The following EFCAB6 variants were observed in gnomAD, a reference collection of about 807,000 sequenced individuals.
EFCAB6 encodes the protein EF-hand calcium-binding domain-containing protein 6.
Under a neutral mutation model 169.8 loss-of-function variants are expected in EFCAB6, and 156 were observed. The observed-to-expected ratio is 0.92, with a 90% CI of 0.81 to 1.05. The LOEUF (loss-of-function observed/expected upper bound fraction) is 1.05. Ranked by LOEUF, EFCAB6 falls within the 50% of genes least tolerant of loss-of-function variation. EFCAB6 has a pLI of 0.00. For synonymous variants in EFCAB6, 698 were observed against 676.4 expected (o/e 1.03, Z -0.50); for missense variants, 1,800 against 1,829.1 (o/e 0.98, Z 0.29).
chr22:43,575,192 GT>G (rs74495669), intron 26 of EFCAB6, among the ~76,000 whole-genome samples: 1 of 123,076 alleles, frequency 8.1e-6, no homozygotes, highest in Non-Finnish European at 1.8e-5. Context: ...TGTTGTTGTT[GT>G]TTGTTTGTTT....
At chr22:43,697,159 A>G (rs1187463204) in intron 10 of EFCAB6, among the ~76,000 whole-genome samples, 1 of 152,260 alleles carries the variant, frequency 6.6e-6, no homozygotes, top group Non-Finnish European at 1.5e-5. Context: ...GGCAAGAAGT[A>G]TTCCTGTGAA....
rs1346214332 is a variant in EFCAB6, at chr22:43,615,742, G to A, written c.2562+84C>T. The A allele has an allele frequency of 3.3e-6, 4 of 1,221,760 alleles. No homozygotes were observed. The African/African-American group carries it at 6.0e-5, about 18-fold the overall frequency. The allele number at this position is 1,221,760 out of a possible 1,614,324, so 75.7% of individuals were successfully genotyped here. A position where few individuals can be genotyped will look rare whatever the true frequency, so the allele number is the denominator to read the frequency against. ...AGTTGTTTTCCCATCTTAGCGTCTGGATCTGAACAGCTTCATCATCCCAGT... is the reference window on the plus strand; with the variant it reads ...AGTTGTTTTCCCATCTTAGCGTCTGAATCTGAACAGCTTCATCATCCCAGT... On this transcript the variant is annotated intron_variant, in intron 21 of 31. Transcript: ENST00000262726.
intron 26 of EFCAB6, among the ~76,000 whole-genome samples, chr22:43,560,030 T>C (rs1184121494): frequency 1.3e-5 from 2 of 152,074 alleles, no homozygotes; most frequent in African/African-American, 4.8e-5. Flanking sequence ...AAAGTAAAAT[T>C]TAAAAAATGC....
At chr22:43,705,225 A>G (rs184335804) in intron 10 of EFCAB6, among the ~76,000 whole-genome samples, 2 of 152,290 alleles carry the variant, frequency 1.3e-5, no homozygotes, top group Non-Finnish European at 1.5e-5. Context: ...CTAAATATAT[A>G]AAGCAAATAT....
At chr22:43,702,902 T>C (rs1261773406) in intron 10 of EFCAB6, among the ~76,000 whole-genome samples, 3 of 152,150 alleles carry the variant, frequency 2.0e-5, no homozygotes, top group South Asian at 2.1e-4. Flanking sequence ...TACCACCACA[T>C]TGAATTTCAG....
At chr22:43,805,774 C>T (rs567247898) in intron 2 of EFCAB6, among the ~76,000 whole-genome samples, 37 of 152,254 alleles carry the variant, frequency 2.4e-4, no homozygotes, top group African/African-American at 8.9e-4. Flanking sequence ...CTGATTTGAT[C>T]TTTACAAATT....
intron 10 of EFCAB6, among the ~76,000 whole-genome samples, chr22:43,698,549 C>T (rs946010354): frequency 1.3e-5 from 2 of 152,184 alleles, no homozygotes; most frequent in African/African-American, 4.8e-5. Context: ...TGTCTTACCA[C>T]ATACCCCATA....
chr22:43,637,069 A>C (rs1351083189), intron 17 of EFCAB6, among the ~76,000 whole-genome samples: 3 of 152,168 alleles, frequency 2.0e-5, no homozygotes, highest in Non-Finnish European at 4.4e-5. Context: ...GTATCCAAAG[A>C]GGCCACATAG....
intron 27 of EFCAB6, among the ~76,000 whole-genome samples, chr22:43,546,001 A>C (rs558781992): frequency 1.1e-4 from 17 of 152,330 alleles, no homozygotes; most frequent in African/African-American, 4.1e-4. Flanking sequence ...AAGCTAAGAC[A>C]GATTTAGACT....
At chr22:43,800,698 A>T (rs562298069) in intron 2 of EFCAB6, among the ~76,000 whole-genome samples, 1 of 152,344 alleles carries the variant, frequency 6.6e-6, no homozygotes, top group Admixed American at 6.5e-5. Context: ...TGAAAAATTC[A>T]TTAACGGCTA....
rs765349501 is a variant in EFCAB6 at position 43,608,552 on chromosome 22, C to T, written c.2611G>A (p.Asp871Asn). The T allele has an allele frequency of 4.3e-6, 7 of 1,614,048 alleles. No individual in the cohort carries two copies. The East Asian group carries it at 6.7e-5, about 15-fold the overall frequency. ...NEGNGILRRR[D>N]IKNALYGFDI... ...AAACCGTACAGTGCGTTCTTTATGT[C>T]CCGGCGTCGAAGAATGCCATTGCCC... Residue 871 changes from aspartate (D) to asparagine (N), a missense_variant, in exon 22 of 32, where the codon GAC becomes AAC. By Grantham distance (23) the Asp-to-Asn change is conservative (BLOSUM62 1). Coordinates refer to ENST00000262726, the MANE Select transcript of EFCAB6 (RefSeq NM_022785.4).
chr22:43,653,195 C>A (rs2056564677), intron 17 of EFCAB6, among the ~76,000 whole-genome samples: 1 of 152,178 alleles, frequency 6.6e-6, no homozygotes, highest in East Asian at 1.9e-4. Context: ...ACTGATAAAA[C>A]ACATTAACCT....
At chr22:43,591,800 G>A (rs192825678) in intron 23 of EFCAB6, among the ~76,000 whole-genome samples, 199 of 152,234 alleles carry the variant, frequency 1.3e-3, no homozygotes, top group Admixed American at 2.7e-3. Flanking sequence ...GGGAAATTTT[G>A]TCTCCTAACT....
chr22:43,599,459 C>CA (rs1476225215), intron 23 of EFCAB6, among the ~76,000 whole-genome samples: 2 of 123,884 alleles, frequency 1.6e-5, no homozygotes, highest in African/African-American at 6.2e-5. Context: ...GCAGTGAGCT[C>CA]AGACAGCGCC....
At chr22:43,563,540 TGAC>T (rs1363004866) in intron 26 of EFCAB6, among the ~76,000 whole-genome samples, 1 of 152,052 alleles carries the variant, frequency 6.6e-6, no homozygotes, top group Admixed American at 6.6e-5. Flanking sequence ...ACTCCAGCCT[TGAC>T]GACAGAGCAA....
chr22:43,803,488 C>T (rs893309391), intron 2 of EFCAB6, among the ~76,000 whole-genome samples: 9 of 152,208 alleles, frequency 5.9e-5, no homozygotes, highest in Admixed American at 3.3e-4. Context: ...TGCTGAAATA[C>T]CGTGATTGGT....
chr22:43,687,515 C>G lies in EFCAB6; in HGVS notation c.1098G>C (p.Gln366His). Residue 366 changes from glutamine (Q) to histidine (H), a missense_variant, in exon 11 of 32, where the codon CAG becomes CAC. Coordinates refer to ENST00000262726, the MANE Select transcript of EFCAB6 (RefSeq NM_022785.4). ...GACCTTTACTGCTAACTTGCAACCC[C>G]TGAGGCTCATGAAATGATGTTAGAA... ...KQFLTSFHEP[Q>H]GLQVSSKGPL... is the part of the protein sequence containing the mutation. The G allele has an allele frequency of 6.2e-7, 1 of 1,605,404 alleles. No individual in the cohort carries two copies. Among genetic ancestry groups the G allele is most frequent in the Non-Finnish European group, 8.5e-7 (1 of 1,177,056 alleles).
In EFCAB6 at chr22:43,600,054, T is replaced by C. The variant is rs761267059; in HGVS notation, c.2876+15A>G. ...GGACTTCTAGATGATGGCCCCGTGA[T>C]CCTTCCTCACTCACCTGGCTGCCAC... is the stretch of plus-strand genomic sequence containing the variant. On this transcript the variant is annotated intron_variant, in intron 23 of 31. Coordinates refer to ENST00000262726, the MANE Select transcript of EFCAB6 (RefSeq NM_022785.4). 1 of 1,610,676 alleles carries C rather than the reference T, an allele frequency of 6.2e-7. No homozygotes were observed. The highest frequency in any genetic ancestry group is 8.5e-7 in the Non-Finnish European group (1 of 1,178,274).
chr22:43,695,465 A>C (rs1311341024), intron 10 of EFCAB6, among the ~76,000 whole-genome samples: 1 of 152,022 alleles, frequency 6.6e-6, no homozygotes, highest in African/African-American at 2.4e-5. Flanking sequence ...GGCTTTCAAA[A>C]ACATATACTG....
Sources: gnomAD v4.1 joint callset for allele counts (sites outside exome capture counted in the v4.1 genomes callset) on GRCh38, gnomAD v4.1.1 for gene constraint, MANE v1.5 for transcripts, NCBI Gene and HGNC (gene_info 2026-07-23, HGNC 2026-07-21) for gene names.